The following MAGI3 variants were observed in gnomAD, a reference collection of about 807,000 sequenced individuals.
The protein encoded by MAGI3 is membrane associated guanylate kinase, WW and PDZ domain containing 3.
Under a neutral mutation model 121.8 loss-of-function variants are expected in MAGI3, and 43 were observed. The observed-to-expected ratio is 0.35, with a 90% CI of 0.28 to 0.46. The LOEUF (loss-of-function observed/expected upper bound fraction) is 0.46. MAGI3 is among the 20% of genes least tolerant of loss of function. MAGI3 has a pLI of 1.00. For missense variants in MAGI3, 1,547 were observed against 1,797.3 expected, an observed-to-expected ratio of 0.86 and a Z score of 2.52; for synonymous variants, 553 against 639.3, an observed-to-expected ratio of 0.86 and a Z score of 2.04.
chr1:113,591,725 A>G (rs1472109607), intron 5 of MAGI3, among the ~76,000 whole-genome samples: 2 of 152,154 alleles, frequency 1.3e-5, no homozygotes, highest in Non-Finnish European at 2.9e-5. Flanking sequence ...GGGATTTGTT[A>G]AGGGAAATTT....
chr1:113,496,752 T>A (rs1296714312), intron 1 of MAGI3, among the ~76,000 whole-genome samples: 2 of 152,220 alleles, frequency 1.3e-5, no homozygotes, highest in Non-Finnish European at 2.9e-5. Flanking sequence ...TTTGCTCAGT[T>A]TTGGAATAGT....
intron 1 of MAGI3, among the ~76,000 whole-genome samples, chr1:113,512,366 C>A (rs1031509996): frequency 3.9e-5 from 6 of 152,176 alleles, no homozygotes; most frequent in African/African-American, 1.2e-4. Flanking sequence ...GCAGCAACCA[C>A]TTAAAGATCT....
intron 1 of MAGI3, among the ~76,000 whole-genome samples, chr1:113,440,976 C>G (rs1653883544): frequency 1.3e-5 from 2 of 152,072 alleles, no homozygotes; most frequent in South Asian, 4.1e-4. Flanking sequence ...TCTGTTACTT[C>G]TGATTGTTCC....
intron 1 of MAGI3, among the ~76,000 whole-genome samples, chr1:113,442,799 C>T (rs563289091): frequency 2.0e-5 from 3 of 152,166 alleles, no homozygotes; most frequent in African/African-American, 7.2e-5. Flanking sequence ...CTTCATCATC[C>T]TTATCTTGAC....
chr1:113,641,041 A>AC (rs1652460118), intron 9 of MAGI3, among the ~76,000 whole-genome samples: 1 of 123,820 alleles, frequency 8.1e-6, no homozygotes. Flanking sequence ...GATATATATA[A>AC]TATATATGAT....
chr1:113,401,954 A>G lies in MAGI3; in HGVS notation c.316+10605A>G, dbSNP rs115538242. ...TTATTCTTTAAGTGTTTACGCTGTT[A>G]TGTTTTCTCTCTGGGCTAAAGTCAG... On this transcript the variant is annotated intron_variant, in intron 1 of 20. Coordinates refer to ENST00000307546, the MANE Select transcript of MAGI3 (RefSeq NM_001142782.2). Among the ~76,000 whole-genome samples, 1,099 of 152,248 alleles carry G rather than the reference A, an allele frequency of 7.2e-3. 9 individuals carry two copies. The highest frequency in any genetic ancestry group is 0.025 in the African/African-American group (1,046 of 41,552).
chr1:113,450,434 C>T, intron 1 of MAGI3: 8 of 1,135,772 alleles, frequency 7.0e-6, no homozygotes, highest in Non-Finnish European at 1.1e-5. Context: ...ATGGTGTGGT[C>T]CTGGTTATAG....
At chr1:113,451,321 T>A (rs1053853285) in intron 1 of MAGI3, among the ~76,000 whole-genome samples, 1 of 152,230 alleles carries the variant, frequency 6.6e-6, no homozygotes, top group Non-Finnish European at 1.5e-5. Context: ...GATAGTTGAC[T>A]ATTTTTCTTC....
chr1:113,580,696 A>C (rs1647966624), intron 3 of MAGI3, 35 bp downstream of exon 3: 8 of 1,540,596 alleles, frequency 5.2e-6, no homozygotes, highest in Non-Finnish European at 7.0e-6. Context: ...CCACCCAAAA[A>C]ACTATCTGAA....
intron 1 of MAGI3, among the ~76,000 whole-genome samples, chr1:113,408,230 T>C (rs994341123): frequency 1.3e-5 from 2 of 152,246 alleles, no homozygotes; most frequent in African/African-American, 4.8e-5. Context: ...AAAAATATAA[T>C]AAAAACTGAA....
chr1:113,610,826 C>T (rs970494651), intron 6 of MAGI3, among the ~76,000 whole-genome samples: 4 of 151,920 alleles, frequency 2.6e-5, no homozygotes, highest in South Asian at 2.1e-4. Flanking sequence ...TCTAGCTACC[C>T]GGGAGACTGA....
intron 2 of MAGI3, 151 bp from the exon 3 acceptor site, chr1:113,580,391 A>G (rs538529011): frequency 2.1e-5 from 12 of 583,424 alleles, no homozygotes; most frequent in East Asian, 9.6e-5. Flanking sequence ...AATATATACA[A>G]TTTTATCTGT....
At chr1:113,607,113 T>A (rs1266016355) in intron 6 of MAGI3, among the ~76,000 whole-genome samples, 1 of 152,180 alleles carries the variant, frequency 6.6e-6, no homozygotes, top group South Asian at 2.1e-4. Context: ...ATACATCTTT[T>A]ATGCCAGTGG....
chr1:113,576,523 T>C (rs1255913208), intron 2 of MAGI3, among the ~76,000 whole-genome samples: 1 of 152,124 alleles, frequency 6.6e-6, no homozygotes, highest in East Asian at 1.9e-4. Flanking sequence ...ATTATCTGGG[T>C]ACCTCAGTTG....
chr1:113,516,897 C>T (rs868059586), intron 1 of MAGI3, among the ~76,000 whole-genome samples: 1 of 151,938 alleles, frequency 6.6e-6, no homozygotes, highest in Admixed American at 6.6e-5. Context: ...TTACCTTACT[C>T]GTCTTCCTCT....
At chr1:113,475,480 A>G (rs1031033130) in intron 1 of MAGI3, among the ~76,000 whole-genome samples, 1 of 151,838 alleles carries the variant, frequency 6.6e-6, no homozygotes. Context: ...GCCTTCATCT[A>G]TTGAGATAAT....
intron 1 of MAGI3, among the ~76,000 whole-genome samples, chr1:113,503,309 GAAAAAAAAAA>G (rs59331456): frequency 2.8e-5 from 1 of 36,130 alleles, no homozygotes; most frequent in Non-Finnish European, 4.9e-5. Context: ...CCTGTCTCAG[GAAAAAAAAAA>G]AAAAAAAAAA....
At chr1:113,655,019 AG>A (rs1453303480) in intron 15 of MAGI3, among the ~76,000 whole-genome samples, 1 of 152,234 alleles carries the variant, frequency 6.6e-6, no homozygotes, top group African/African-American at 2.4e-5. Context: ...GACATGGATG[AG>A]TTATTGCTAT....
At chr1:113,484,895 T>G (rs1656305822) in intron 1 of MAGI3, among the ~76,000 whole-genome samples, 1 of 151,026 alleles carries the variant, frequency 6.6e-6, no homozygotes, top group South Asian at 2.1e-4. Flanking sequence ...CAGCTAATTT[T>G]TTTTGGTTTT....
Sources: allele counts gnomAD v4.1 joint callset (sites outside exome capture counted in the v4.1 genomes callset), GRCh38; gene constraint gnomAD v4.1.1; transcripts MANE v1.5; gene names NCBI Gene and HGNC (gene_info 2026-07-23, HGNC 2026-07-21).